Variants in REEP1 observed in about 807,000 individuals in gnomAD.
REEP1 encodes receptor accessory protein 1, also known as receptor expression-enhancing protein 1.
Under a neutral mutation model 40.3 loss-of-function variants are expected in REEP1, and 22 were observed. The observed-to-expected ratio is 0.55, with a 90% CI of 0.39 to 0.78. The LOEUF (loss-of-function observed/expected upper bound fraction) is 0.78. Among genes scored for constraint, REEP1 ranks in the 30% least tolerant of loss-of-function variants. REEP1 has a pLI of 0.00. For missense variants in REEP1, 280 were observed against 361.1 expected (o/e 0.78, Z 1.82); for synonymous variants, 116 against 139.2 (o/e 0.83, Z 1.17).
At chr2:86,330,731 C>T (rs1462264813) in intron 1 of REEP1, among the ~76,000 whole-genome samples, 1 of 152,110 alleles carries the variant, frequency 6.6e-6, no homozygotes, top group Non-Finnish European at 1.5e-5. Flanking sequence ...CACGGTCAGC[C>T]ACCGTGCCCA....
intron 1 of REEP1, among the ~76,000 whole-genome samples, chr2:86,320,924 T>G (rs998050783): frequency 1.1e-4 from 17 of 152,366 alleles, no homozygotes; most frequent in Admixed American, 2.6e-4. Flanking sequence ...GTTCAAGCGA[T>G]TCTCCTGCCT....
intron 6 of REEP1, among the ~76,000 whole-genome samples, chr2:86,230,803 C>T (rs1558873633): frequency 6.6e-6 from 1 of 152,114 alleles, no homozygotes; most frequent in South Asian, 2.1e-4. Flanking sequence ...ATAGCTCGCC[C>T]GGGTCATGCG....
chr2:86,337,471 C>T lies in REEP1; in HGVS notation c.32+8G>A. 1 of 1,284,264 alleles carries T rather than the reference C, an allele frequency of 7.8e-7. No individual in the cohort carries two copies. Among genetic ancestry groups the T allele is most frequent in the Non-Finnish European group, 9.9e-7 (1 of 1,009,434 alleles). The allele number at this position is 1,284,264 out of a possible 1,614,324, so 79.6% of individuals were successfully genotyped here. A position where few individuals can be genotyped will look rare whatever the true frequency, so the allele number is the denominator to read the frequency against. ...GGACGGAGGGGCGCGGGGGAGAAGG[C>T]CACTTACACCACCAGCCTGGAGATG... On this transcript the variant is annotated splice_region_variant and intron_variant, in intron 1 of 8. Transcript: ENST00000538924. This position sits in a 1 kb window ranked among gnomAD's most constrained non-coding sequence, Gnocchi z 5.8.
chr2:86,294,771 G>A (rs993318288), intron 1 of REEP1, among the ~76,000 whole-genome samples: 5 of 110,182 alleles, frequency 4.5e-5, no homozygotes, highest in East Asian at 2.7e-4. Flanking sequence ...AGATAGATAG[G>A]TTTCTAACTT....
intron 8 of REEP1, among the ~76,000 whole-genome samples, chr2:86,217,666 A>ATT (rs10668934): frequency 0.031 from 3,470 of 112,866 alleles, 197 homozygotes; most frequent in African/African-American, 0.1. Flanking sequence ...GGGATTTCAG[A>ATT]TTTTTTTTTT....
intron 1 of REEP1, among the ~76,000 whole-genome samples, chr2:86,319,451 C>A (rs1558935137): frequency 3.9e-5 from 1 of 25,700 alleles, no homozygotes; most frequent in South Asian, 1.0e-3. Flanking sequence ...GGCAGAGTGG[C>A]TCACTCACGC....
intron 6 of REEP1, among the ~76,000 whole-genome samples, chr2:86,228,961 A>G (rs1415694852): frequency 6.6e-6 from 1 of 152,182 alleles, no homozygotes; most frequent in Non-Finnish European, 1.5e-5. Flanking sequence ...TCTGTTTTGC[A>G]CTTTTCTTCA....
chr2:86,270,228 C>T (rs1408526427), intron 2 of REEP1, among the ~76,000 whole-genome samples: 1 of 151,974 alleles, frequency 6.6e-6, no homozygotes, highest in Non-Finnish European at 1.5e-5. Context: ...TGGAGTTTTG[C>T]TCTTGTTGCC....
chr2:86,313,703 G>A (rs910868235), intron 1 of REEP1, among the ~76,000 whole-genome samples: 4 of 152,128 alleles, frequency 2.6e-5, no homozygotes, highest in Admixed American at 6.5e-5. Context: ...ACAGAATCAA[G>A]GGCCAGGCCA....
chr2:86,220,072 G>T lies in REEP1; in HGVS notation c.681C>A (p.His227Gln). 1 of 1,232,146 alleles carries T rather than the reference G, an allele frequency of 8.1e-7. No homozygotes were observed. The highest frequency in any genetic ancestry group is 1.0e-6 in the Non-Finnish European group (1 of 987,988). 76.3% of individuals were successfully genotyped at this position (1,232,146 alleles called of 1,614,324 possible). A position where few individuals can be genotyped will look rare whatever the true frequency, so the allele number is the denominator to read the frequency against. The change falls in exon 8 of 9, where the codon CAC becomes CAA. Residue 227 changes from histidine to glutamine, a missense_variant. Physicochemically the swap from His to Gln is conservative, Grantham distance 24 (BLOSUM62 0). Around this residue, in one of 3 missense-constraint regions of REEP1, gnomAD observed 201 missense variants for 238.5 expected, o/e 0.84. Transcript: ENST00000538924. ...NEGGMKAWEPHQVQNPLAFSD... is the reference protein window; with the variant it reads ...NEGGMKAWEPQQVQNPLAFSD... ...AAAACGCCAATGGGTTTTGGACCTG[G>T]TGGGGCTCCCATGCCTTCATACCAC...
intron 1 of REEP1, among the ~76,000 whole-genome samples, chr2:86,293,688 A>G (rs1678841312): frequency 6.6e-6 from 1 of 152,250 alleles, no homozygotes. Context: ...ACTCAGCTGT[A>G]CTGAGGCTGC....
At chr2:86,283,346 G>T (rs1007251873) in intron 1 of REEP1, among the ~76,000 whole-genome samples, 1 of 152,140 alleles carries the variant, frequency 6.6e-6, no homozygotes, top group Admixed American at 6.5e-5. Flanking sequence ...GTCACCCCAG[G>T]TGCCAACTTA....
chr2:86,246,691 CTTTT>C, intron 5 of REEP1, among the ~76,000 whole-genome samples: 1 of 120,912 alleles, frequency 8.3e-6, no homozygotes, highest in South Asian at 3.1e-4. Flanking sequence ...TTCTCTCTTT[CTTTT>C]TTTTTCTTTT....
At chr2:86,303,547 T>C (rs768750114) in intron 1 of REEP1, among the ~76,000 whole-genome samples, 5 of 151,558 alleles carry the variant, frequency 3.3e-5, no homozygotes, top group Middle Eastern at 3.4e-3. Context: ...AAAAATTGTA[T>C]AGAGATGGGG....
At chr2:86,247,729 C>T (rs573389094) in intron 5 of REEP1, among the ~76,000 whole-genome samples, 1 of 152,064 alleles carries the variant, frequency 6.6e-6, no homozygotes, top group Admixed American at 6.5e-5. Context: ...TGCCACCACA[C>T]CAGGCTAATT....
intron 7 of REEP1, among the ~76,000 whole-genome samples, chr2:86,227,053 T>A (rs567945455): frequency 1.3e-5 from 2 of 152,288 alleles, no homozygotes; most frequent in South Asian, 4.1e-4. Context: ...CCAACAGCCA[T>A]AAGAGTGCCA....
At chr2:86,237,530 T>C (rs115700375) in intron 5 of REEP1, among the ~76,000 whole-genome samples, 3,899 of 152,272 alleles carry the variant, frequency 0.026, 145 homozygotes, top group African/African-American at 0.085. Context: ...GTTGTTGTTG[T>C]TGTTTGTTTG....
intron 2 of REEP1, among the ~76,000 whole-genome samples, chr2:86,274,430 T>C (rs13017338): frequency 0.34 from 51,972 of 152,000 alleles, 9,819 homozygotes; most frequent in Middle Eastern, 0.45. Flanking sequence ...CATGATGCAC[T>C]CCTTTGAAAT....
intron 2 of REEP1, among the ~76,000 whole-genome samples, chr2:86,279,834 C>A (rs767091857): frequency 6.6e-6 from 1 of 152,180 alleles, no homozygotes; most frequent in African/African-American, 2.4e-5. Flanking sequence ...TGATTTTAAC[C>A]AAGTGGGACT....
Sources: gnomAD v4.1 joint callset for allele counts (sites outside exome capture counted in the v4.1 genomes callset) on GRCh38, gnomAD v4.1.1 for gene constraint, gnomAD v4.1.1 regional missense constraint, Gnocchi (gnomAD v3.1) non-coding constraint, MANE v1.5 for transcripts, NCBI Gene and HGNC (gene_info 2026-07-23, HGNC 2026-07-21) for gene names.